The following ADA variants were observed in gnomAD, a reference collection of about 807,000 sequenced individuals.
The protein encoded by ADA is adenosine aminohydrolase.
ADA carries 45 observed loss-of-function variants against 49.0 expected under a neutral mutation model. The ratio of observed to expected loss-of-function variants is 0.92; its 90% CI spans 0.72 to 1.18. The LOEUF (loss-of-function observed/expected upper bound fraction) is 1.18, where lower values mean the gene tolerates loss of function less well. Among genes scored for constraint, ADA ranks in the 50% most tolerant of loss-of-function variants. ADA has a pLI of 0.00. For synonymous variants in ADA, 173 were observed against 184.2 expected (o/e 0.94, Z 0.49); for missense variants, 445 against 472.5 (o/e 0.94, Z 0.54).
intron 2 of ADA, among the ~76,000 whole-genome samples, chr20:44,629,742 G>C (rs2065416440): frequency 6.6e-6 from 1 of 152,196 alleles, no homozygotes; most frequent in Admixed American, 6.5e-5. Flanking sequence ...CCGCCAGCCA[G>C]CTCAGACCTC....
At position 44,629,362 on chromosome 20, in the gene ADA, A is replaced by G. The variant is rs61491394; in HGVS notation, c.96-193T>C. Among the ~76,000 whole-genome samples, 780 of 152,256 alleles carry G rather than the reference A, an allele frequency of 5.1e-3. 6 individuals carry two copies. Among genetic ancestry groups the G allele is most frequent in the African/African-American group, 0.018 (758 of 41,554 alleles). ...GAACCAGGACCGGAATTTTTCCAGCACCTTCTACCCCCAATGCACAAGTCA... is the reference window on the plus strand; with the variant it reads ...GAACCAGGACCGGAATTTTTCCAGCGCCTTCTACCCCCAATGCACAAGTCA... On this transcript the variant is annotated intron_variant, in intron 2 of 11. Coordinates refer to ENST00000372874, the MANE Select transcript of ADA (RefSeq NM_000022.4).
At chr20:44,628,525 CAATA>C (rs3091476) in intron 3 of ADA, among the ~76,000 whole-genome samples, 2,346 of 149,330 alleles carry the variant, frequency 0.016, 72 homozygotes, top group African/African-American at 0.053. Context: ...GACTCTGTCT[CAATA>C]AATAAATAAA....
intron 9 of ADA, among the ~76,000 whole-genome samples, 163 bp downstream of exon 9, chr20:44,622,425 T>A (rs1449315923): frequency 6.6e-6 from 1 of 152,236 alleles, no homozygotes; most frequent in African/African-American, 2.4e-5. Flanking sequence ...GGGCCTCGGA[T>A]TCCTCATTTG....
intron 4 of ADA, chr20:44,626,212 T>C: frequency 1.7e-6 from 1 of 601,124 alleles, no homozygotes; most frequent in Non-Finnish European, 2.9e-6. Flanking sequence ...ACAGCAGGCC[T>C]GTGGCCAGAG....
chr20:44,619,598 A>G lies in ADA; in HGVS notation c.*236T>C. ...AGTTGCCACAGAAGGAGGGTTTCAG[A>G]TTCAACCATGCCCATGTGCAAGGGC... is the stretch of plus-strand genomic sequence containing the variant. On this transcript the variant is annotated 3_prime_UTR_variant, in exon 12 of 12. Coordinates refer to ENST00000372874, the MANE Select transcript of ADA (RefSeq NM_000022.4). The G allele has an allele frequency of 1.9e-6, 1 of 539,584 alleles. No homozygotes were observed. The highest frequency in any genetic ancestry group is 3.3e-6 in the Non-Finnish European group (1 of 299,474). The allele number at this position is 539,584 out of a possible 1,614,324, so 33.4% of individuals were successfully genotyped here. A position where few individuals can be genotyped will look rare whatever the true frequency, so the allele number is the denominator to read the frequency against.
intron 11 of ADA, 26 bp downstream of exon 11, chr20:44,620,273 G>T (rs2065316165): frequency 6.3e-7 from 1 of 1,598,822 alleles, no homozygotes; most frequent in Non-Finnish European, 8.6e-7. Context: ...CAGGGCAACT[G>T]CCCAGAAGCC....
chr20:44,629,082 G>T lies in ADA; in HGVS notation c.183C>A (p.Phe61Leu). ...GMDKPLTLPD[F>L]LAKFDYYMPA... Reference sequence around the variant, plus strand: ...GCATGTAGTAGTCAAACTTGGCCAGGAAGTCTGGAAGGGTGAGCGGCTTGT... The same window carrying T: ...GCATGTAGTAGTCAAACTTGGCCAGTAAGTCTGGAAGGGTGAGCGGCTTGT... The change falls in exon 3 of 12, where the codon TTC (phenylalanine) becomes TTA (leucine). Residue 61 changes from phenylalanine (F) to leucine (L), a missense_variant. Phe to Leu is a conservative substitution (Grantham distance 22, BLOSUM62 0). Transcript: ENST00000372874. 1 of 1,614,226 alleles carries T rather than the reference G, an allele frequency of 6.2e-7. No individual in the cohort carries two copies.
chr20:44,650,415 T>C (rs2065633083), intron 1 of ADA, among the ~76,000 whole-genome samples: 1 of 149,808 alleles, frequency 6.7e-6, no homozygotes, highest in East Asian at 2.0e-4. Flanking sequence ...CACACCTATT[T>C]CTTTTCTTTT....
intron 11 of ADA, 73 bp from the exon 12 acceptor site, chr20:44,619,920 C>G (rs2065311829): frequency 1.9e-6 from 3 of 1,591,878 alleles, no homozygotes; most frequent in African/African-American, 2.7e-5. Flanking sequence ...AATCATAGAA[C>G]ACCAGAACCA....
rs541525316 is a variant in ADA at position 44,634,315 on chromosome 20, T to C, written c.95+1912A>G. Among the ~76,000 whole-genome samples the C allele has an allele frequency of 3.9e-5, 6 of 152,364 alleles. No homozygotes were observed. The South Asian group carries it at 1.2e-3, about 32-fold the overall frequency. Reference sequence around the variant, plus strand: ...CCCCACTTAGAGATATAAGCTCCAATTAATAAGAATATTATCATTAAGTGA... The same window carrying C: ...CCCCACTTAGAGATATAAGCTCCAACTAATAAGAATATTATCATTAAGTGA... On this transcript the variant is annotated intron_variant, in intron 2 of 11. Transcript: ENST00000372874.
chr20:44,619,982 A>G, intron 11 of ADA, 135 bp from the exon 12 acceptor site: 1 of 1,224,196 alleles, frequency 8.2e-7, no homozygotes, highest in Non-Finnish European at 1.2e-6. Flanking sequence ...AAGACCACAT[A>G]GGAAGAAAGG....
intron 9 of ADA, among the ~76,000 whole-genome samples, chr20:44,622,188 T>G (rs1600918138): frequency 2.6e-5 from 4 of 152,286 alleles, no homozygotes; most frequent in Admixed American, 2.6e-4. Flanking sequence ...AAGATGGCGC[T>G]CAGGGGAATG....
intron 5 of ADA, among the ~76,000 whole-genome samples, chr20:44,625,308 T>TA (rs1028986540): frequency 6.6e-6 from 1 of 152,050 alleles, no homozygotes; most frequent in Non-Finnish European, 1.5e-5. Context: ...TTTCAATAGT[T>TA]ACGTTCCTAT....
chr20:44,632,006 C>T (rs2065438141), intron 2 of ADA, among the ~76,000 whole-genome samples: 1 of 152,218 alleles, frequency 6.6e-6, no homozygotes, highest in Admixed American at 6.5e-5. Context: ...TGCCCAGCAC[C>T]AGCCCGTCCC....
chr20:44,634,091 GCTC>G (rs970284037), intron 2 of ADA, among the ~76,000 whole-genome samples: 4 of 152,226 alleles, frequency 2.6e-5, no homozygotes, highest in African/African-American at 9.7e-5. Flanking sequence ...CCTCCCGGCG[GCTC>G]CTTTCCCCTT....
At chr20:44,625,382 G>C (rs945468833) in intron 5 of ADA, among the ~76,000 whole-genome samples, 187 bp downstream of exon 5, 3 of 152,144 alleles carry the variant, frequency 2.0e-5, no homozygotes, top group Non-Finnish European at 2.9e-5. Flanking sequence ...AACATCTCCA[G>C]AAGTTCTGAG....
intron 6 of ADA, among the ~76,000 whole-genome samples, chr20:44,623,632 G>T (rs928005621): frequency 8.0e-5 from 12 of 149,672 alleles, no homozygotes; most frequent in African/African-American, 3.1e-4. Context: ...AACACCAAGT[G>T]GAGGCTTTTC....
chr20:44,646,781 C>T (rs2145358715), intron 1 of ADA, among the ~76,000 whole-genome samples: 1 of 152,102 alleles, frequency 6.6e-6, no homozygotes, highest in Middle Eastern at 3.4e-3. Flanking sequence ...CTGATTCTAA[C>T]TCTTCCCCCC....
intron 1 of ADA, among the ~76,000 whole-genome samples, chr20:44,639,416 G>GT (rs1187216090): frequency 6.6e-6 from 1 of 151,656 alleles, no homozygotes; most frequent in Non-Finnish European, 1.5e-5. Flanking sequence ...GACACCTTTT[G>GT]TTTTTTGTTT....
Sources: allele counts gnomAD v4.1 joint callset (sites outside exome capture counted in the v4.1 genomes callset), GRCh38; gene constraint gnomAD v4.1.1; transcripts MANE v1.5; gene names NCBI Gene and HGNC (gene_info 2026-07-23, HGNC 2026-07-21).